The following ANKRD11 variants were observed in gnomAD, a reference collection of about 807,000 sequenced individuals.
ANKRD11 encodes ankyrin repeat domain 11.
Under a neutral mutation model 195.7 loss-of-function variants are expected in ANKRD11, and 17 were observed. The observed-to-expected ratio is 0.09, with a 90% CI of 0.06 to 0.13. ANKRD11 has a LOEUF of 0.13. Ranked by LOEUF, ANKRD11 falls within the 10% of genes least tolerant of loss-of-function variation. The pLI, the probability that ANKRD11 is intolerant of heterozygous loss-of-function variation, is 1.00. For synonymous variants in ANKRD11, 1,953 were observed against 1,528.1 expected, an observed-to-expected ratio of 1.28 and a Z score of -6.49; for missense variants, 3,735 against 3,566.1, an observed-to-expected ratio of 1.05 and a Z score of -1.21.
intron 1 of ANKRD11, among the ~76,000 whole-genome samples, chr16:89,473,578 A>C (rs1226490304): frequency 6.6e-6 from 1 of 152,178 alleles, no homozygotes; most frequent in Non-Finnish European, 1.5e-5. Flanking sequence ...CCGTTCTACA[A>C]GTGGGTCCGG....
intron 1 of ANKRD11, among the ~76,000 whole-genome samples, chr16:89,439,906 G>C (rs1485892043): frequency 6.6e-6 from 1 of 152,230 alleles, no homozygotes; most frequent in Non-Finnish European, 1.5e-5. Context: ...CTCCGGAGAA[G>C]TCAAAGACTC....
chr16:89,482,798 G>A (rs547643994), intron 1 of ANKRD11, among the ~76,000 whole-genome samples: 2 of 152,302 alleles, frequency 1.3e-5, no homozygotes, highest in South Asian at 2.1e-4. Flanking sequence ...CCAAAAAAGC[G>A]GGTGGGCAGC....
chr16:89,276,597 G>C (rs1473930218), intron 9 of ANKRD11, among the ~76,000 whole-genome samples: 1 of 152,156 alleles, frequency 6.6e-6, no homozygotes, highest in African/African-American at 2.4e-5. Flanking sequence ...GAAGCTCCCA[G>C]CCAGGAGACA....
chr16:89,461,421 C>A (rs979766169), intron 1 of ANKRD11, among the ~76,000 whole-genome samples: 5 of 152,082 alleles, frequency 3.3e-5, no homozygotes, highest in Non-Finnish European at 7.4e-5. Context: ...TACAAATGGT[C>A]AATTTTATAC....
At chr16:89,352,726 TC>T (rs1439644495) in intron 2 of ANKRD11, among the ~76,000 whole-genome samples, 15 of 152,262 alleles carry the variant, frequency 9.9e-5, no homozygotes, top group Admixed American at 4.6e-4. Context: ...GCTGGGTGAG[TC>T]CCGCTTGCCT....
At chr16:89,430,469 G>T (rs2042929614) in intron 1 of ANKRD11, among the ~76,000 whole-genome samples, 1 of 150,922 alleles carries the variant, frequency 6.6e-6, no homozygotes, top group South Asian at 2.1e-4. Flanking sequence ...CTAGTACACA[G>T]CAGGGACTCT....
intron 12 of ANKRD11, among the ~76,000 whole-genome samples, chr16:89,269,331 T>C (rs78164643): frequency 0.014 from 2,088 of 152,210 alleles, 47 homozygotes; most frequent in African/African-American, 0.048. Context: ...TTTGTAGAGA[T>C]GGGGTTTTGC....
At position 89,280,537 on chromosome 16, in the gene ANKRD11, G is replaced by A; in HGVS notation, c.6005C>T (p.Ser2002Phe). The A allele has an allele frequency of 1.9e-6, 3 of 1,612,584 alleles. No individual in the cohort carries two copies. Among genetic ancestry groups the A allele is most frequent in the East Asian group, 2.2e-5 (1 of 44,868 alleles). The change falls in exon 9 of 13, where the codon TCT becomes TTT. Residue 2002 changes from serine to phenylalanine, a missense_variant. By Grantham distance (155) the Ser-to-Phe change is radical. Coordinates refer to ENST00000301030, the MANE Select transcript of ANKRD11 (RefSeq NM_013275.6). ...KRFCPADPLH[S>F]AAPGPFSASE... ...GGCGCTGAAGGGCCCTGGGGCGGCA[G>A]AGTGGAGGGGGTCCGCGGGGCAGAA...
intron 1 of ANKRD11, among the ~76,000 whole-genome samples, chr16:89,460,988 G>A (rs1161411323): frequency 8.6e-6 from 1 of 115,622 alleles, no homozygotes; most frequent in Non-Finnish European, 1.7e-5. Context: ...CCCAACAGGA[G>A]ACGCACCTTG....
chr16:89,290,828 A>G lies in ANKRD11; in HGVS notation c.398T>C (p.Val133Ala). The G allele has an allele frequency of 6.2e-7, 1 of 1,613,428 alleles. No homozygotes were observed. The highest frequency in any genetic ancestry group is 8.5e-7 in the Non-Finnish European group (1 of 1,179,962). The change falls in exon 6 of 13, where the codon GTG becomes GCG. Residue 133 changes from valine (V) to alanine (A), a missense_variant and splice_region_variant. Physicochemically the swap from Val to Ala is moderately conservative, Grantham distance 64. Coordinates refer to ENST00000301030, the MANE Select transcript of ANKRD11 (RefSeq NM_013275.6). ...MTAEESANSP[V>A]DTTPKHPSQS... ...GGAGGGGTGCTTTGGTGTTGTGTCC[A>G]CTGCAGGCCAAGGAGGGGACAGATG... is the stretch of plus-strand genomic sequence containing the variant.
chr16:89,277,021 A>G (rs1318908565), intron 9 of ANKRD11, among the ~76,000 whole-genome samples: 2 of 150,098 alleles, frequency 1.3e-5, no homozygotes, highest in African/African-American at 4.9e-5. Context: ...ACGCCACTGC[A>G]CTCCAGCCTG....
At chr16:89,389,946 C>A (rs36027825) in intron 2 of ANKRD11, among the ~76,000 whole-genome samples, 6 of 75,322 alleles carry the variant, frequency 8.0e-5, no homozygotes, top group African/African-American at 1.8e-4. Flanking sequence ...CGGGGAGCAC[C>A]GAGAGAGAAG....
intron 3 of ANKRD11, among the ~76,000 whole-genome samples, chr16:89,305,637 C>A (rs1279665003): frequency 6.7e-6 from 1 of 149,434 alleles, no homozygotes; most frequent in Non-Finnish European, 1.5e-5. Context: ...GACACACACG[C>A]GCTACCTCTC....
intron 2 of ANKRD11, among the ~76,000 whole-genome samples, chr16:89,403,432 A>G (rs985761270): frequency 3.3e-5 from 5 of 152,150 alleles, no homozygotes; most frequent in African/African-American, 9.7e-5. Flanking sequence ...GGGGAACCCA[A>G]GTCCCGAGGA....
At chr16:89,292,393 G>A (rs763098607) in intron 4 of ANKRD11, among the ~76,000 whole-genome samples, 1 of 152,178 alleles carries the variant, frequency 6.6e-6, no homozygotes, top group Non-Finnish European at 1.5e-5. Context: ...TCAGCTCCCA[G>A]GGCCCGACTC....
chr16:89,480,686 C>G (rs531023560), intron 1 of ANKRD11, among the ~76,000 whole-genome samples: 10 of 152,136 alleles, frequency 6.6e-5, no homozygotes, highest in Admixed American at 2.6e-4. Context: ...TCTCTAACCC[C>G]CTTCTGTTTG....
chr16:89,414,838 G>A lies in ANKRD11; in HGVS notation c.-60+3446C>T, dbSNP rs118131483. On this transcript the variant is annotated intron_variant, in intron 2 of 12. Transcript: ENST00000301030. The stretch of plus-strand genomic sequence containing the variant: ...GCACAGCACCGTGTACTGAAGAAGC[G>A]ACTGTGGATCTCATCTCAACGGCTC... 2.0e-5 allele frequency among the ~76,000 whole-genome samples: 3 copies of A among 152,290 alleles called. No homozygotes were observed. In the East Asian group the frequency reaches 5.8e-4, roughly 29 times the overall value.
intron 2 of ANKRD11, among the ~76,000 whole-genome samples, chr16:89,409,068 G>T (rs2042017148): frequency 6.6e-6 from 1 of 152,212 alleles, no homozygotes; most frequent in Non-Finnish European, 1.5e-5. Flanking sequence ...CTGCACAAAA[G>T]GCCAGAGCAG....
intron 1 of ANKRD11, among the ~76,000 whole-genome samples, chr16:89,487,058 G>C (rs2057641950): frequency 6.6e-6 from 1 of 150,876 alleles, no homozygotes; most frequent in Admixed American, 6.6e-5. Flanking sequence ...AACACACACT[G>C]AAAACATTTC....
Sources: gnomAD v4.1 joint callset for allele counts (sites outside exome capture counted in the v4.1 genomes callset) on GRCh38, gnomAD v4.1.1 for gene constraint, MANE v1.5 for transcripts, NCBI Gene and HGNC (gene_info 2026-07-23, HGNC 2026-07-21) for gene names.